ATP8B3: variants seen among roughly 807,000 people sequenced by gnomAD.
The protein encoded by ATP8B3 is ATPase phospholipid transporting 8B3.
In ATP8B3, 141 loss-of-function variants were observed where a neutral mutation model predicts 140.9. That is an observed-to-expected ratio of 1.00 (90% confidence interval 0.87 to 1.15). The LOEUF (loss-of-function observed/expected upper bound fraction) is 1.15, where lower values mean the gene tolerates loss of function less well. Ranked by LOEUF, ATP8B3 falls within the 50% of genes most tolerant of loss-of-function variation. ATP8B3 has a pLI of 0.00. For synonymous variants in ATP8B3, 765 were observed against 714.6 expected (o/e 1.07, Z -1.13); for missense variants, 1,874 against 1,740.6 (o/e 1.08, Z -1.36).
In ATP8B3 at chr19:1,800,135, C is replaced by T; in HGVS notation, c.1364G>A (p.Gly455Glu). The change falls in exon 14 of 29, where the codon GGG becomes GAG. Residue 455 changes from glycine to glutamate, a missense_variant. Physicochemically the swap from Gly to Glu is moderately conservative, Grantham distance 98. This residue lies in a region of ATP8B3 where 1,032 missense variants were observed against 963.6 expected (regional missense o/e 1.07). Coordinates refer to ENST00000310127, the MANE Select transcript of ATP8B3 (RefSeq NM_138813.4). This position sits in a 1 kb window ranked among gnomAD's most constrained non-coding sequence, Gnocchi z 4.4. ...MFILSEFIYL[G>E]NSVFIDWDVQ... ...GTCCCAGTCGATGAAGACGCTGTTC[C>T]CCAGGTAGATGAACTCGGACCTGCA... 6.4e-7 allele frequency: 1 copy of T among 1,559,184 alleles called. No homozygotes were observed. Among genetic ancestry groups the T allele is most frequent in the South Asian group, 1.2e-5 (1 of 84,790 alleles).
chr19:1,783,265 C>G lies in ATP8B3; in HGVS notation c.3666G>C (p.Glu1222Asp). 1.2e-6 allele frequency: 2 copies of G among 1,607,098 alleles called. No homozygotes were observed. The highest frequency in any genetic ancestry group is 2.2e-5 in the South Asian group (2 of 89,864). The change falls in exon 29 of 29, where the codon GAG (glutamate) becomes GAC (aspartate). Residue 1222 changes from glutamate (E) to aspartate (D), a missense_variant. Coordinates refer to ENST00000310127, the MANE Select transcript of ATP8B3 (RefSeq NM_138813.4). Reference protein sequence around the residue: ...PALKELRAKEEKVEEGPSEEI... With the variant: ...PALKELRAKEDKVEEGPSEEI... ...CCTCGCTGGGGCCCTCCTCCACCTT[C>G]TCCTCCTGAAGAGCAAAGGGGAGAG... is the stretch of plus-strand genomic sequence containing the variant.
Position 1,792,050 on chromosome 19 carries a change from T to C in ATP8B3, c.2141A>G (p.His714Arg), listed in dbSNP as rs2068528463. ...EDIYEDWQQR[H>R]QEASLLLQNR... is the part of the protein sequence containing the mutation. ...CTGCAGCAGGAGGCTGGCCTCCTGGTGGCGCTGCTGCCAGTCCTCGTAAAT... is the reference window on the plus strand; with the variant it reads ...CTGCAGCAGGAGGCTGGCCTCCTGGCGGCGCTGCTGCCAGTCCTCGTAAAT... The change falls in exon 19 of 29, where the codon CAC (histidine) becomes CGC (arginine). Residue 714 changes from histidine to arginine, a missense_variant. This residue lies in a region of ATP8B3 where 2 missense variants were observed against 16.1 expected (regional missense o/e 0.12). Transcript: ENST00000310127. The C allele has an allele frequency of 6.4e-7, 1 of 1,555,806 alleles. No homozygotes were observed. Among genetic ancestry groups the C allele is most frequent in the Non-Finnish European group, 8.7e-7 (1 of 1,151,030 alleles).
Position 1,784,833 on chromosome 19 carries a change from C to G in ATP8B3, c.3646G>C (p.Glu1216Gln), listed in dbSNP as rs776441117. Residue 1216 changes from glutamate to glutamine, a missense_variant, in exon 28 of 29, where the codon GAG (glutamate) becomes CAG (glutamine). This residue lies in a region of ATP8B3 where 840 missense variants were observed against 760.9 expected (regional missense o/e 1.10). Transcript: ENST00000310127. ...GCCCACCTCACCTTGGCACGTAGCTCCTTGAGGGCTGGGAAGATGACTCGG... is the reference window on the plus strand; with the variant it reads ...GCCCACCTCACCTTGGCACGTAGCTGCTTGAGGGCTGGGAAGATGACTCGG... ...ALRVIFPALK[E>Q]LRAKEEKVEE... is the part of the protein sequence containing the mutation. The G allele has an allele frequency of 1.9e-6, 3 of 1,606,624 alleles. 1 individual carries two copies. The South Asian group carries it at 3.4e-5, about 18-fold the overall frequency.
intron 18 of ATP8B3, among the ~76,000 whole-genome samples, chr19:1,793,890 GCA>G (rs1329634593): frequency 2.6e-5 from 4 of 151,890 alleles, no homozygotes; most frequent in Non-Finnish European, 5.9e-5. Flanking sequence ...CTACAGGCCT[GCA>G]CCACCACATC....
chr19:1,795,938 CGT>C lies in ATP8B3; in HGVS notation c.1990_1991del (p.Thr664GlyfsTer40). 6.2e-7 allele frequency: 1 copy of C among 1,613,226 alleles called. No individual in the cohort carries two copies. The highest frequency in any genetic ancestry group is 8.5e-7 in the Non-Finnish European group (1 of 1,179,844). On this transcript the variant is annotated frameshift_variant, in exon 18 of 29. Transcript: ENST00000310127. LOFTEE classifies it high-confidence loss of function. The part of the protein sequence containing the change: ...AICLYTKGAD[T>X]VIFERLHRRG... ...TCCTGTGCAAGCGTTCGAAGATGAC[CGT>C]GTCGGCGCCCTTGGTGTACAGGCAG...
chr19:1,782,932 T>G lies in ATP8B3; in HGVS notation c.*96A>C. The G allele has an allele frequency of 3.5e-4, 504 of 1,430,104 alleles. No individual in the cohort carries two copies. Among genetic ancestry groups the G allele is most frequent in the Middle Eastern group, 5.0e-4 (2 of 4,024 alleles). The allele number at this position is 1,430,104 out of a possible 1,614,324, so 88.6% of individuals were successfully genotyped here. ...CGGATTGTCTATCCATAGAAAATGA[T>G]GAGCTAGGTGTAGGGGGGAGCTGTA... On this transcript the variant is annotated 3_prime_UTR_variant, in exon 29 of 29. Coordinates refer to ENST00000310127, the MANE Select transcript of ATP8B3 (RefSeq NM_138813.4).
intron 18 of ATP8B3, among the ~76,000 whole-genome samples, chr19:1,793,887 C>CA (rs2068592051): frequency 6.6e-6 from 1 of 152,028 alleles, no homozygotes; most frequent in Non-Finnish European, 1.5e-5. Flanking sequence ...AGACTACAGG[C>CA]CTGCACCACC....
Position 1,800,335 on chromosome 19 carries a change from C to T in ATP8B3, c.1267G>A (p.Ala423Thr), listed in dbSNP as rs1248559981. Reference protein sequence around the residue: ...YLSGVHGSSVAAESFFVFWSF... With the variant: ...YLSGVHGSSVTAESFFVFWSF... ...CAGAAGACGAAGAAGGACTCTGCGGCCACGCTGCTCCCATGCACCCCCGAG... is the reference window on the plus strand; with the variant it reads ...CAGAAGACGAAGAAGGACTCTGCGGTCACGCTGCTCCCATGCACCCCCGAG... Residue 423 changes from alanine to threonine, a missense_variant, in exon 13 of 29, where the codon GCC becomes ACC. Around this residue, in one of 3 missense-constraint regions of ATP8B3, gnomAD observed 1,032 missense variants for 963.6 expected, o/e 1.07. Transcript: ENST00000310127. This position sits in a 1 kb window ranked among gnomAD's most constrained non-coding sequence, Gnocchi z 4.4. 1.9e-6 allele frequency: 3 copies of T among 1,612,698 alleles called. No individual in the cohort carries two copies. Among genetic ancestry groups the T allele is most frequent in the Middle Eastern group, 1.6e-4 (1 of 6,084 alleles).
chr19:1,795,085 A>G (rs1344205801), intron 18 of ATP8B3, among the ~76,000 whole-genome samples: 2 of 151,452 alleles, frequency 1.3e-5, no homozygotes, highest in Non-Finnish European at 2.9e-5. Context: ...GTGAAACCCC[A>G]TCTCTACTAA....
Position 1,801,973 on chromosome 19 carries a change from T to G in ATP8B3, c.1135A>C (p.Asn379His). 2 of 1,612,614 alleles carry G rather than the reference T, an allele frequency of 1.2e-6. No homozygotes were observed. The highest frequency in any genetic ancestry group is 1.3e-5 in the African/African-American group (1 of 74,962). Residue 379 changes from asparagine (N) to histidine (H), a missense_variant, in exon 12 of 29, where the codon AAC (asparagine) becomes CAC (histidine). Coordinates refer to ENST00000310127, the MANE Select transcript of ATP8B3 (RefSeq NM_138813.4). ...LKRTKLDLLMNKLVVVIFISV... is the reference protein window; with the variant it reads ...LKRTKLDLLMHKLVVVIFISV... The stretch of plus-strand genomic sequence containing the variant: ...CAGCTCACCACAACCACCAGCTTGT[T>G]CATCAGGAGGTCCAGCTTGGTTCTC...
intron 14 of ATP8B3, chr19:1,798,916 G>A (rs753024360): frequency 6.6e-6 from 1 of 151,938 alleles, no homozygotes; most frequent in Non-Finnish European, 1.5e-5. Context: ...GCGGAGGCAG[G>A]CGGATCGCTT....
At position 1,785,481 on chromosome 19, in the gene ATP8B3, G is replaced by A. The variant is rs1244934508; in HGVS notation, c.3381C>T (p.Ser1127=). 6.2e-7 allele frequency: 1 copy of A among 1,612,748 alleles called. No homozygotes were observed. The highest frequency in any genetic ancestry group is 8.5e-7 in the Non-Finnish European group (1 of 1,179,854). The change falls in exon 26 of 29, where the codon TCC becomes TCT. Residue 1127 remains serine (S), a synonymous_variant. Coordinates refer to ENST00000310127, the MANE Select transcript of ATP8B3 (RefSeq NM_138813.4). The stretch of plus-strand genomic sequence containing the variant: ...GGACCTTGCCCACCTCCATGGTGAT[G>A]GACAGCAGGCAAGACAGGGCCACCA... ...AVVVALSCLL[S]ITMEVILIIK...
In ATP8B3 at chr19:1,794,971, C is replaced by T. The variant is rs1412720199; in HGVS notation, c.2055+904G>A. On this transcript the variant is annotated intron_variant, in intron 18 of 28. Coordinates refer to ENST00000310127, the MANE Select transcript of ATP8B3 (RefSeq NM_138813.4). This position sits in a 1 kb window ranked among gnomAD's most constrained non-coding sequence, Gnocchi z 4.8. ...TCTTGTGCAAATGAGAAAAATACACCCTTGGCCGGGCGCGGTGGCCTACGC... is the reference window on the plus strand; with the variant it reads ...TCTTGTGCAAATGAGAAAAATACACTCTTGGCCGGGCGCGGTGGCCTACGC... Among the ~76,000 whole-genome samples, 1 of 152,194 alleles carries T rather than the reference C, an allele frequency of 6.6e-6. No individual in the cohort carries two copies. The highest frequency in any genetic ancestry group is 1.5e-5 in the Non-Finnish European group (1 of 68,034).
chr19:1,787,337 G>A (rs950264006), intron 24 of ATP8B3, among the ~76,000 whole-genome samples, 151 bp from the exon 25 acceptor site: 3 of 152,238 alleles, frequency 2.0e-5, no homozygotes, highest in Non-Finnish European at 2.9e-5. Flanking sequence ...GGTGAAGTGC[G>A]GCCTGATAAA....
chr19:1,785,518 G>T lies in ATP8B3; in HGVS notation c.3344C>A (p.Ser1115Tyr). ...AGACAGGGCCACCACGACCGCAAAGGACTGGTGGTCGCTGAAGCTGGCGGG... is the reference window on the plus strand; with the variant it reads ...AGACAGGGCCACCACGACCGCAAAGTACTGGTGGTCGCTGAAGCTGGCGGG... ...AGPASFSDHQ[S>Y]FAVVVALSCL... The change falls in exon 26 of 29, where the codon TCC becomes TAC. Residue 1115 changes from serine to tyrosine, a missense_variant. Coordinates refer to ENST00000310127, the MANE Select transcript of ATP8B3 (RefSeq NM_138813.4). 1 of 1,613,094 alleles carries T rather than the reference G, an allele frequency of 6.2e-7. No homozygotes were observed. Among genetic ancestry groups the T allele is most frequent in the East Asian group, 2.2e-5 (1 of 44,886 alleles).
chr19:1,793,861 G>C (rs1215893811), intron 18 of ATP8B3, among the ~76,000 whole-genome samples: 1 of 152,010 alleles, frequency 6.6e-6, no homozygotes, highest in Non-Finnish European at 1.5e-5. Context: ...TCCTGCCTCA[G>C]CCTCCCGAGT....
At chr19:1,787,327 G>A (rs2068337153) in intron 24 of ATP8B3, 141 bp from the exon 25 acceptor site, 1 of 630,934 alleles carries the variant, frequency 1.6e-6, no homozygotes, top group Non-Finnish European at 2.8e-6. Context: ...ACTGGGGTGG[G>A]GTGAAGTGCG....
chr19:1,806,837 C>T lies in ATP8B3; in HGVS notation c.616-148G>A. ...CGCCACGTTGCGTCTGCTCAGGGAT[C>T]CCGGACGTGGGGGCCACTGGACCCA... On this transcript the variant is annotated intron_variant, in intron 6 of 28. Coordinates refer to ENST00000310127, the MANE Select transcript of ATP8B3 (RefSeq NM_138813.4). The surrounding 1 kb of genome is among the most constrained non-coding windows in gnomAD (Gnocchi z 5.6). The T allele has an allele frequency of 3.2e-6, 3 of 941,550 alleles. No homozygotes were observed. The highest frequency in any genetic ancestry group is 4.8e-6 in the Non-Finnish European group (3 of 620,320). The allele number at this position is 941,550 out of a possible 1,614,324, so 58.3% of individuals were successfully genotyped here. A position where few individuals can be genotyped will look rare whatever the true frequency, so the allele number is the denominator to read the frequency against.
intron 19 of ATP8B3, 55 bp downstream of exon 19, chr19:1,791,946 T>C: frequency 1.2e-5 from 17 of 1,414,024 alleles, no homozygotes; most frequent in Non-Finnish European, 1.7e-5. Flanking sequence ...CAGGGCCCCC[T>C]TGGGTGCCCC....
Sources: gnomAD v4.1 joint callset for allele counts (sites outside exome capture counted in the v4.1 genomes callset) on GRCh38, gnomAD v4.1.1 for gene constraint, gnomAD v4.1.1 regional missense constraint, Gnocchi (gnomAD v3.1) non-coding constraint, MANE v1.5 for transcripts, NCBI Gene and HGNC (gene_info 2026-07-23, HGNC 2026-07-21) for gene names.